USP36: variants seen among roughly 807,000 people sequenced by gnomAD.
The protein encoded by USP36 is ubiquitin specific peptidase 36, also known as ubiquitin carboxyl-terminal hydrolase 36.
Under a neutral mutation model 111.5 loss-of-function variants are expected in USP36, and 59 were observed. The ratio of observed to expected loss-of-function variants is 0.53; its 90% confidence interval spans 0.43 to 0.66. USP36 has a LOEUF of 0.66. USP36 is among the 30% of genes least tolerant of loss of function. The pLI is 0.00. For missense variants in USP36, 1,488 were observed against 1,468.0 expected (o/e 1.01, Z -0.22); for synonymous variants, 628 against 581.0 (o/e 1.08, Z -1.16).
intron 3 of USP36, among the ~76,000 whole-genome samples, chr17:78,789,034 T>TAA (rs1046282255): frequency 1.3e-4 from 13 of 103,378 alleles, no homozygotes; most frequent in African/African-American, 4.4e-4. Context: ...TCCGTCTCTA[T>TAA]TAAAATATGA....
At chr17:78,801,122 G>A (rs564886737) in intron 17 of USP36, among the ~76,000 whole-genome samples, 135 of 152,038 alleles carry the variant, frequency 8.9e-4, no homozygotes, top group African/African-American at 3.0e-3. Context: ...GACTAGAGGC[G>A]CCCGCCACCA....
At chr17:78,794,144 C>T (rs868156644), downstream of USP36, among the ~76,000 whole-genome samples, 55 of 152,218 alleles carry the variant, frequency 3.6e-4, no homozygotes, top group African/African-American at 1.2e-3. Context: ...CTAGCCTATG[C>T]TACTAATGCC....
intron 4 of USP36, among the ~76,000 whole-genome samples, chr17:78,834,603 C>T (rs1283466177): frequency 6.6e-6 from 1 of 151,984 alleles, no homozygotes; most frequent in Non-Finnish European, 1.5e-5. Flanking sequence ...CACCCCATCA[C>T]GCCTAATTTT....
At position 78,818,684 on chromosome 17, in the gene USP36, C is replaced by T. The variant is rs771027463; in HGVS notation, c.1006G>A (p.Gly336Arg). The T allele has an allele frequency of 3.7e-6, 6 of 1,613,884 alleles. No individual in the cohort carries two copies. Among genetic ancestry groups the T allele is most frequent in the African/African-American group, 1.3e-5 (1 of 75,044 alleles). The change falls in exon 10 of 21, where the codon GGG (glycine) becomes AGG (arginine). Residue 336 changes from glycine to arginine, a missense_variant. Coordinates refer to ENST00000449938, the MANE Select transcript of USP36 (RefSeq NM_001385174.1). ...LSLKRFANFS[G>R]GKITKDVGYP... ...GCGCTCACCTTGGTGATCTTCCCCC[C>T]GCTGAAGTTGGCAAAGCGCTTGAGG...
At chr17:78,819,125 AG>A in intron 9 of USP36, 1 of 196,524 alleles carries the variant, frequency 5.1e-6, no homozygotes, top group South Asian at 8.4e-5. Flanking sequence ...ACGGGCAGGC[AG>A]GAAGTCAACG....
Position 78,798,617 on chromosome 17 carries a change from T to C in USP36, c.3241-66A>G. 4 of 1,599,514 alleles carry C rather than the reference T, an allele frequency of 2.5e-6. No homozygotes were observed. The highest frequency in any genetic ancestry group is 2.2e-5 in the South Asian group (2 of 90,570). ...CTCTTTCCTGGCCCACGGGGCTCCATGCTGCATGCAGGTCCTGCACACAGG... is the reference window on the plus strand; with the variant it reads ...CTCTTTCCTGGCCCACGGGGCTCCACGCTGCATGCAGGTCCTGCACACAGG... On this transcript the variant is annotated intron_variant, in intron 19 of 20. Coordinates refer to ENST00000449938, the MANE Select transcript of USP36 (RefSeq NM_001385174.1). The surrounding 1 kb of genome is among the most constrained non-coding windows in gnomAD (Gnocchi z 5.1).
intron 4 of USP36, among the ~76,000 whole-genome samples, chr17:78,831,772 T>C (rs2068138179): frequency 6.6e-6 from 1 of 151,462 alleles, no homozygotes; most frequent in African/African-American, 2.4e-5. Flanking sequence ...CCTAACCAAA[T>C]CTCTACCCAA....
rs2067828344 is a variant in USP36 at position 78,828,926 on chromosome 17, T to A, written c.557A>T (p.Lys186Met). ...QAFANSGNAI[K>M]PVSFIRDLKK... ...CAGGTCTCGGATGAAGGAGACGGGCTTGATGGCGTTGCCGCTGTTGGCGAA... is the reference window on the plus strand; with the variant it reads ...CAGGTCTCGGATGAAGGAGACGGGCATGATGGCGTTGCCGCTGTTGGCGAA... Residue 186 changes from lysine to methionine, a missense_variant, in exon 5 of 21, where the codon AAG (lysine) becomes ATG (methionine). Physicochemically the swap from Lys to Met is moderately conservative, Grantham distance 95. Transcript: ENST00000449938. 6.2e-7 allele frequency: 1 copy of A among 1,614,098 alleles called. No homozygotes were observed. Among genetic ancestry groups the A allele is most frequent in the African/African-American group, 1.3e-5 (1 of 74,950 alleles).
In USP36 at chr17:78,826,735, T is replaced by G. The variant is rs2067575812; in HGVS notation, c.689+510A>C. 3 of 233,256 alleles carry G rather than the reference T, an allele frequency of 1.3e-5. No homozygotes were observed. In the East Asian group the frequency reaches 2.7e-4, roughly 21 times the overall value. The allele number at this position is 233,256 out of a possible 1,614,324, so 14.4% of individuals were successfully genotyped here. A position where few individuals can be genotyped will look rare whatever the true frequency, so the allele number is the denominator to read the frequency against. ...CACATATAAGGGCTTACGTGGCGTG[T>G]GAATAAGAAACAGCAGCCAGGCACA... On this transcript the variant is annotated intron_variant, in intron 6 of 20. Coordinates refer to ENST00000449938, the MANE Select transcript of USP36 (RefSeq NM_001385174.1).
chr17:78,800,148 C>T (rs1184906471), intron 17 of USP36, among the ~76,000 whole-genome samples: 2 of 147,316 alleles, frequency 1.4e-5, no homozygotes, highest in Non-Finnish European at 3.0e-5. Context: ...AAAAAAAAAA[C>T]CCTCCAAAAC....
chr17:78,817,544 C>G (rs922109583), intron 10 of USP36, among the ~76,000 whole-genome samples: 2 of 152,040 alleles, frequency 1.3e-5, no homozygotes, highest in Non-Finnish European at 2.9e-5. Context: ...CACCTGAGCT[C>G]AGGAGTTCGA....
chr17:78,803,690 C>A lies in USP36; in HGVS notation c.2505G>T (p.Glu835Asp). 1 of 1,611,132 alleles carries A rather than the reference C, an allele frequency of 6.2e-7. No homozygotes were observed. The highest frequency in any genetic ancestry group is 8.5e-7 in the Non-Finnish European group (1 of 1,179,662). ...TCTTCCCGTGGGGAGCCGCAGTGGCCTCCCTGATGTGCTGTGGGAGGCGCG... is the reference window on the plus strand; with the variant it reads ...TCTTCCCGTGGGGAGCCGCAGTGGCATCCCTGATGTGCTGTGGGAGGCGCG... ...SETRLPQHIR[E>D]ATAAPHGKRK... Residue 835 changes from glutamate (E) to aspartate (D), a missense_variant, in exon 16 of 21, where the codon GAG becomes GAT. This residue lies in a region of USP36 where 1,073 missense variants were observed against 994.1 expected (regional missense o/e 1.08). Coordinates refer to ENST00000449938, the MANE Select transcript of USP36 (RefSeq NM_001385174.1). The surrounding 1 kb of genome is among the most constrained non-coding windows in gnomAD (Gnocchi z 4.6).
rs1598965120 is a variant in USP36, at chr17:78,798,383, A to C, written c.*20+17T>G. On this transcript the variant is annotated intron_variant, in intron 20 of 20. Transcript: ENST00000449938. The surrounding 1 kb of genome is among the most constrained non-coding windows in gnomAD (Gnocchi z 5.1). ...ACACCCCCACCTCACCCTTACACCC[A>C]CCCCCTCGGAACCGACCTCCTTCCA... is the stretch of plus-strand genomic sequence containing the variant. 2 of 1,609,900 alleles carry C rather than the reference A, an allele frequency of 1.2e-6. No individual in the cohort carries two copies. The highest frequency in any genetic ancestry group is 1.7e-6 in the Non-Finnish European group (2 of 1,179,034).
At chr17:78,788,337 G>A (rs1386068246) in intron 3 of USP36, among the ~76,000 whole-genome samples, 3 of 151,974 alleles carry the variant, frequency 2.0e-5, no homozygotes, top group Non-Finnish European at 4.4e-5. Context: ...GCTGATTTTT[G>A]TATTTTTAGT....
At chr17:78,789,758 C>T (rs1001575019) in intron 3 of USP36, among the ~76,000 whole-genome samples, 3 of 152,212 alleles carry the variant, frequency 2.0e-5, no homozygotes, top group Non-Finnish European at 2.9e-5. Context: ...ACGGTTTGGG[C>T]GTTCACTTCA....
At chr17:78,824,643 G>C (rs1488209144) in intron 6 of USP36, among the ~76,000 whole-genome samples, 1 of 152,102 alleles carries the variant, frequency 6.6e-6, no homozygotes, top group Non-Finnish European at 1.5e-5. Context: ...TCAGAAATAA[G>C]CACAGTAAAT....
In USP36 at chr17:78,799,305, T is replaced by C. The variant is rs142237548; in HGVS notation, c.3125-282A>G. On this transcript the variant is annotated intron_variant, in intron 18 of 20. Coordinates refer to ENST00000449938, the MANE Select transcript of USP36 (RefSeq NM_001385174.1). ...CCTCGTCTGAGGAACAAAGATGTCA[T>C]GTTTGGTCTCGAAGTCTGAATAAAA... Among the ~76,000 whole-genome samples, 217 of 152,308 alleles carry C rather than the reference T, an allele frequency of 1.4e-3. 1 individual carries two copies. The highest frequency in any genetic ancestry group is 0.011 in the East Asian group (57 of 5,184).
At chr17:78,800,319 G>T (rs1567908423) in intron 17 of USP36, among the ~76,000 whole-genome samples, 1 of 152,144 alleles carries the variant, frequency 6.6e-6, no homozygotes, top group Non-Finnish European at 1.5e-5. Flanking sequence ...CTTGGCTGCT[G>T]CCATCAGGGG....
chr17:78,787,499 G>T (rs1314848039), exon 4 of USP36: 4 of 152,184 alleles, frequency 2.6e-5, no homozygotes, highest in Middle Eastern at 3.2e-3. Context: ...CAAAATCAAT[G>T]TATACATGCT....
Sources: gnomAD v4.1 joint callset for allele counts (sites outside exome capture counted in the v4.1 genomes callset) on GRCh38, gnomAD v4.1.1 for gene constraint, gnomAD v4.1.1 regional missense constraint, Gnocchi (gnomAD v3.1) non-coding constraint, MANE v1.5 for transcripts, NCBI Gene and HGNC (gene_info 2026-07-23, HGNC 2026-07-21) for gene names.